Variants in AURKA observed in about 807,000 individuals in gnomAD.
AURKA encodes aurora 2.
A neutral mutation model predicts 40.9 loss-of-function variants in AURKA; 12 were observed. The ratio of observed to expected loss-of-function variants is 0.29; its 90% CI spans 0.19 to 0.48. The LOEUF (loss-of-function observed/expected upper bound fraction) is 0.48, where lower values mean the gene tolerates loss of function less well. Ranked by LOEUF, AURKA falls within the 20% of genes least tolerant of loss-of-function variation. AURKA has a pLI of 0.99. For missense variants in AURKA, 322 were observed against 462.1 expected (o/e 0.70, Z 2.78); for synonymous variants, 170 against 164.3 (o/e 1.03, Z -0.26).
At chr20:56,389,187 T>G (rs1320761888) in intron 1 of AURKA, among the ~76,000 whole-genome samples, 1 of 152,180 alleles carries the variant, frequency 6.6e-6, no homozygotes, top group Non-Finnish European at 1.5e-5. Flanking sequence ...ATCAAGGGTC[T>G]GGGGTGACTC....
chr20:56,378,586 T>G (rs1985262978), intron 6 of AURKA, among the ~76,000 whole-genome samples: 1 of 152,214 alleles, frequency 6.6e-6, no homozygotes, highest in South Asian at 2.1e-4. Flanking sequence ...ATGCAAATGT[T>G]GACAGCCAAA....
intron 1 of AURKA, among the ~76,000 whole-genome samples, chr20:56,389,218 T>G (rs1185148050): frequency 1.3e-5 from 2 of 149,384 alleles, no homozygotes; most frequent in African/African-American, 2.5e-5. Flanking sequence ...CCCTGGACCC[T>G]CCACTTCTCC....
Position 56,386,505 on chromosome 20 carries a change from C to A in AURKA, c.71G>T (p.Arg24Leu), listed in dbSNP as rs779597046. The change falls in exon 3 of 9, where the codon CGT (arginine) becomes CTT (leucine). Residue 24 changes from arginine (R) to leucine (L), a missense_variant. Transcript: ENST00000395915. ...KATAPVGGPK[R>L]VLVTQQFPCQ... ...AGGAAATTGCTGAGTCACGAGAACA[C>A]GTTTTGGACCTCCAACTGGAGCTGT... 1.2e-6 allele frequency: 2 copies of A among 1,614,158 alleles called. No homozygotes were observed. Among genetic ancestry groups the A allele is most frequent in the Middle Eastern group, 3.3e-4 (2 of 6,060 alleles).
In AURKA at chr20:56,369,926, C is replaced by T. The variant is rs1356969328; in HGVS notation, c.*232G>A. On this transcript the variant is annotated 3_prime_UTR_variant, in exon 9 of 9. Transcript: ENST00000395915. Reference sequence around the variant, plus strand: ...TCGAACCTTGCCTCCAGATTATGAACCAGTATAAGTAGCACAATTCTCGTG... The same window carrying T: ...TCGAACCTTGCCTCCAGATTATGAATCAGTATAAGTAGCACAATTCTCGTG... 3 of 613,228 alleles carry T rather than the reference C, an allele frequency of 4.9e-6. No homozygotes were observed. In the South Asian group the frequency reaches 5.5e-5, roughly 11 times the overall value. 38.0% of individuals were successfully genotyped at this position (613,228 alleles called of 1,614,324 possible). A position where few individuals can be genotyped will look rare whatever the true frequency, so the allele number is the denominator to read the frequency against.
In AURKA at chr20:56,373,416, T is replaced by C. The variant is rs1188674121; in HGVS notation, c.846A>G (p.Pro282=). The C allele has an allele frequency of 6.2e-7, 1 of 1,613,644 alleles. No individual in the cohort carries two copies. The highest frequency in any genetic ancestry group is 8.5e-7 in the Non-Finnish European group (1 of 1,180,028). ...IADFGWSVHA[P]SSRRTTLCGT... Reference sequence around the variant, plus strand: ...CCTCTAAAGTTACATACCTGGAAGATGGAGCATGTACTGACCACCCAAAAT... The same window carrying C: ...CCTCTAAAGTTACATACCTGGAAGACGGAGCATGTACTGACCACCCAAAAT... Residue 282 remains proline (P), a synonymous_variant, in exon 7 of 9, where the codon CCA becomes CCG. Transcript: ENST00000395915. This position sits in a 1 kb window ranked among gnomAD's most constrained non-coding sequence, Gnocchi z 5.0.
At chr20:56,385,048 T>G (rs2146199139) in intron 3 of AURKA, among the ~76,000 whole-genome samples, 1 of 152,268 alleles carries the variant, frequency 6.6e-6, no homozygotes, top group Non-Finnish European at 1.5e-5. Context: ...TCAATTAATA[T>G]CAATCTAATC....
Position 56,370,636 on chromosome 20 carries a change from A to G in AURKA, c.878T>C (p.Leu293Pro), listed in dbSNP as rs1194907010. ...SSRRTTLCGT[L>P]DYLPPEMIEG... ...AATCATTTCAGGGGGCAGGTAGTCC[A>G]GGGTGCCACAGAGAGTGGTCCTCCT... The change falls in exon 8 of 9, where the codon CTG becomes CCG. Residue 293 changes from leucine to proline, a missense_variant. Physicochemically the swap from Leu to Pro is moderately conservative, Grantham distance 98 (BLOSUM62 -3). Transcript: ENST00000395915. 1 of 1,614,224 alleles carries G rather than the reference A, an allele frequency of 6.2e-7. No homozygotes were observed. The highest frequency in any genetic ancestry group is 8.5e-7 in the Non-Finnish European group (1 of 1,180,036).
At chr20:56,390,801 G>C (rs73913923) in intron 1 of AURKA, 1 of 152,170 alleles carries the variant, frequency 6.6e-6, no homozygotes, top group Non-Finnish European at 1.5e-5. Context: ...ACAGCAACAA[G>C]GAAATGCACA....
chr20:56,391,435 G>C (rs533024386), intron 1 of AURKA, among the ~76,000 whole-genome samples: 1 of 152,120 alleles, frequency 6.6e-6, no homozygotes, highest in Non-Finnish European at 1.5e-5. Flanking sequence ...CGATTTGTAT[G>C]CACCGGTCTG....
intron 1 of AURKA, among the ~76,000 whole-genome samples, chr20:56,389,290 G>A (rs896517740): frequency 6.6e-6 from 1 of 152,030 alleles, no homozygotes; most frequent in Non-Finnish European, 1.5e-5. Context: ...CCTTCATGAG[G>A]ACCACTCAAA....
intron 6 of AURKA, among the ~76,000 whole-genome samples, chr20:56,376,764 A>G (rs1156363699): frequency 1.3e-5 from 2 of 152,178 alleles, no homozygotes; most frequent in African/African-American, 4.8e-5. Context: ...AAAAACTGAC[A>G]CATTTGGACT....
intron 6 of AURKA, among the ~76,000 whole-genome samples, chr20:56,379,120 G>C (rs1985352726): frequency 6.6e-6 from 1 of 152,270 alleles, no homozygotes; most frequent in Non-Finnish European, 1.5e-5. Context: ...CCTTACTAAA[G>C]GGCATGAGGG....
In AURKA at chr20:56,383,299, C is replaced by G. The variant is rs897732362; in HGVS notation, c.375-123G>C. 2.0e-5 allele frequency: 21 copies of G among 1,027,798 alleles called. No homozygotes were observed. The African/African-American group carries it at 2.9e-4, about 14-fold the overall frequency. 63.7% of individuals were successfully genotyped at this position (1,027,798 alleles called of 1,614,324 possible). A position where few individuals can be genotyped will look rare whatever the true frequency, so the allele number is the denominator to read the frequency against. On this transcript the variant is annotated intron_variant, in intron 4 of 8. Transcript: ENST00000395915. ...TCCAACTTCACTCAATATGCATCCT[C>G]AGCAAGAACCAAGGCAATAACCACT... is the stretch of plus-strand genomic sequence containing the variant.
chr20:56,391,073 A>T (rs769157172), intron 1 of AURKA, among the ~76,000 whole-genome samples: 1 of 152,236 alleles, frequency 6.6e-6, no homozygotes, highest in Non-Finnish European at 1.5e-5. Flanking sequence ...TCTAATCTGC[A>T]ACCAGATTGA....
Position 56,383,266 on chromosome 20 carries a change from T to C in AURKA, c.375-90A>G, listed in dbSNP as rs1985957050. The C allele has an allele frequency of 2.9e-6, 4 of 1,395,848 alleles. No homozygotes were observed. The Admixed American group carries it at 5.2e-5, about 18-fold the overall frequency. 86.5% of individuals were successfully genotyped at this position (1,395,848 alleles called of 1,614,324 possible). A position where few individuals can be genotyped will look rare whatever the true frequency, so the allele number is the denominator to read the frequency against. On this transcript the variant is annotated intron_variant, in intron 4 of 8. Coordinates refer to ENST00000395915, the MANE Select transcript of AURKA (RefSeq NM_198437.3). ...AGTAGCAGACACATTCTACAAATAA[T>C]TTCGTATTCCAACTTCACTCAATAT... is the stretch of plus-strand genomic sequence containing the variant.
chr20:56,389,652 A>C (rs1159909597), intron 1 of AURKA, among the ~76,000 whole-genome samples: 1 of 152,110 alleles, frequency 6.6e-6, no homozygotes, highest in Non-Finnish European at 1.5e-5. Flanking sequence ...TGATTATCTG[A>C]GCGGCATCTC....
At chr20:56,375,457 T>G (rs1984816497) in intron 6 of AURKA, among the ~76,000 whole-genome samples, 1 of 152,126 alleles carries the variant, frequency 6.6e-6, no homozygotes, top group Non-Finnish European at 1.5e-5. Flanking sequence ...GAATTTATTT[T>G]AACATACAGA....
intron 5 of AURKA, among the ~76,000 whole-genome samples, chr20:56,382,569 T>C (rs939317448): frequency 1.3e-5 from 2 of 152,192 alleles, no homozygotes; most frequent in Admixed American, 1.3e-4. Context: ...CAGAAAGACT[T>C]GCCCATATAA....
rs1422419096 is a variant in AURKA, at chr20:56,373,886, G to A, written c.706-330C>T. On this transcript the variant is annotated intron_variant, in intron 6 of 8. Transcript: ENST00000395915. This position sits in a 1 kb window ranked among gnomAD's most constrained non-coding sequence, Gnocchi z 5.0. Reference sequence around the variant, plus strand: ...GATTGCTTGAGACCAGGAGGTCAAAGCTGCAGTGAGCCATGATCACACTTC... The same window carrying A: ...GATTGCTTGAGACCAGGAGGTCAAAACTGCAGTGAGCCATGATCACACTTC... Among the ~76,000 whole-genome samples the A allele has an allele frequency of 6.6e-6, 1 of 152,178 alleles. No homozygotes were observed. Among genetic ancestry groups the A allele is most frequent in the Non-Finnish European group, 1.5e-5 (1 of 68,034 alleles).
Sources: gnomAD v4.1 joint callset for allele counts (sites outside exome capture counted in the v4.1 genomes callset) on GRCh38, gnomAD v4.1.1 for gene constraint, Gnocchi (gnomAD v3.1) non-coding constraint, MANE v1.5 for transcripts, NCBI Gene and HGNC (gene_info 2026-07-23, HGNC 2026-07-21) for gene names.